The following SYCP2L variants were observed in gnomAD, a reference collection of about 807,000 sequenced individuals.
SYCP2L encodes synaptonemal complex protein 2-like.
Under a neutral mutation model 125.8 loss-of-function variants are expected in SYCP2L, and 98 were observed. The ratio of observed to expected loss-of-function variants is 0.78; its 90% CI spans 0.66 to 0.92. The LOEUF is 0.92. Among genes scored for constraint, SYCP2L ranks in the 40% least tolerant of loss-of-function variants. SYCP2L has a pLI of 0.00. For synonymous variants in SYCP2L, 317 were observed against 325.4 expected (o/e 0.97, Z 0.28); for missense variants, 842 against 936.4 (o/e 0.90, Z 1.32).
intron 28 of SYCP2L, among the ~76,000 whole-genome samples, chr6:10,961,991 G>A (rs759242037): frequency 2.0e-5 from 3 of 152,082 alleles, no homozygotes; most frequent in African/African-American, 7.2e-5. Context: ...TGATCCTGCT[G>A]TGGCTCCCTG....
At chr6:10,922,446 C>T (rs1000730926) in intron 14 of SYCP2L, among the ~76,000 whole-genome samples, 8 of 150,992 alleles carry the variant, frequency 5.3e-5, no homozygotes, top group African/African-American at 1.5e-4. Flanking sequence ...ATTGATCCCA[C>T]GGCCCAGTTA....
At chr6:10,911,666 T>A (rs770482032) in intron 12 of SYCP2L, among the ~76,000 whole-genome samples, 26 of 152,164 alleles carry the variant, frequency 1.7e-4, no homozygotes, top group Non-Finnish European at 2.8e-4. Context: ...TTTTTCTTCT[T>A]TCTATGACAT....
At chr6:10,910,470 C>T (rs1393731090) in intron 11 of SYCP2L, among the ~76,000 whole-genome samples, 1 of 152,152 alleles carries the variant, frequency 6.6e-6, no homozygotes, top group Non-Finnish European at 1.5e-5. Context: ...TTAAAGAGTT[C>T]ATAGACTTTA....
At chr6:10,942,598 C>A in intron 22 of SYCP2L, 69 bp downstream of exon 22, 1 of 1,577,838 alleles carries the variant, frequency 6.3e-7, no homozygotes, top group Non-Finnish European at 8.7e-7. Flanking sequence ...AACACATTGG[C>A]TATTCCTTCT....
At position 10,921,689 on chromosome 6, in the gene SYCP2L, C is replaced by T. The variant is rs574319971; in HGVS notation, c.1073-2807C>T. Among the ~76,000 whole-genome samples the T allele has an allele frequency of 2.0e-5, 3 of 150,960 alleles. No homozygotes were observed. The East Asian group carries it at 5.8e-4, about 29-fold the overall frequency. On this transcript the variant is annotated intron_variant, in intron 14 of 29. Coordinates refer to ENST00000283141, the MANE Select transcript of SYCP2L (RefSeq NM_001040274.3). ...ATGAATATCTTCTTTTGAGAAGTGT[C>T]TGTTTATGTCCTTTGACCACCTTTT...
intron 29 of SYCP2L, among the ~76,000 whole-genome samples, chr6:10,966,723 A>G (rs1561703989): frequency 6.6e-6 from 1 of 152,320 alleles, no homozygotes; most frequent in East Asian, 1.9e-4. Context: ...TCAAATCTGA[A>G]ATAAACAAAA....
At chr6:10,963,963 T>C in intron 29 of SYCP2L, 120 bp downstream of exon 29, 1 of 301,014 alleles carries the variant, frequency 3.3e-6, no homozygotes, top group South Asian at 6.8e-5. Flanking sequence ...ACTTCTCCAT[T>C]TTTTTTTTTT....
intron 21 of SYCP2L, 44 bp downstream of exon 21, chr6:10,935,231 T>C (rs772147489): frequency 1.7e-5 from 27 of 1,594,432 alleles, no homozygotes; most frequent in Non-Finnish European, 2.3e-5. Flanking sequence ...AATTTGTATT[T>C]GGGAAAGGTA....
Position 10,935,192 on chromosome 6 carries a change from A to T in SYCP2L, c.1813+5A>T, listed in dbSNP as rs779161885. ...AAGATTCTGCCCAGAAAACAGGTAC[A>T]TGATTTTCTGTTGACTTACATAGGA... is the stretch of plus-strand genomic sequence containing the variant. On this transcript the variant is annotated splice_donor_5th_base_variant and intron_variant, in intron 21 of 29. Transcript: ENST00000283141. The T allele has an allele frequency of 3.7e-6, 6 of 1,610,062 alleles. No individual in the cohort carries two copies. The Admixed American group carries it at 8.4e-5, about 23-fold the overall frequency.
chr6:10,928,972 ACCT>A (rs1238311837), intron 18 of SYCP2L, among the ~76,000 whole-genome samples: 30 of 147,338 alleles, frequency 2.0e-4, no homozygotes, highest in African/African-American at 7.3e-4. Flanking sequence ...GCTCACTGCC[ACCT>A]CCGCCTTCTG....
intron 6 of SYCP2L, among the ~76,000 whole-genome samples, chr6:10,900,231 CT>C (rs1282393665): frequency 1.3e-5 from 2 of 152,052 alleles, no homozygotes; most frequent in Non-Finnish European, 2.9e-5. Flanking sequence ...TGGTTGGATT[CT>C]GGTGATGGCC....
intron 2 of SYCP2L, among the ~76,000 whole-genome samples, chr6:10,893,107 G>C (rs1446240586): frequency 1.4e-5 from 2 of 146,386 alleles, no homozygotes; most frequent in Non-Finnish European, 3.1e-5. Flanking sequence ...CTAGGTTCAA[G>C]CGATTCTCCT....
rs1229454539 is a variant in SYCP2L at position 10,958,880 on chromosome 6, G to C, written c.2255+5G>C. On this transcript the variant is annotated splice_donor_5th_base_variant and intron_variant, in intron 26 of 29. Coordinates refer to ENST00000283141, the MANE Select transcript of SYCP2L (RefSeq NM_001040274.3). The stretch of plus-strand genomic sequence containing the variant: ...AAACCAGATGCAACTGTTCAGGTAA[G>C]TTTTAGGTTTCAAAACAAGGTCGTG... The C allele has an allele frequency of 6.2e-7, 1 of 1,613,498 alleles. No individual in the cohort carries two copies. Among genetic ancestry groups the C allele is most frequent in the African/African-American group, 1.3e-5 (1 of 75,028 alleles).
In SYCP2L at chr6:10,889,476, A is replaced by G. The variant is rs137991016; in HGVS notation, c.10-2037A>G. Among the ~76,000 whole-genome samples the G allele has an allele frequency of 3.8e-3, 576 of 152,328 alleles. 4 individuals are homozygous for G. Among genetic ancestry groups the G allele is most frequent in the African/African-American group, 0.013 (542 of 41,558 alleles). The stretch of plus-strand genomic sequence containing the variant: ...GAAAATATACAATAAGTTGTACATT[A>G]TAGTCACCTTGCAGTACTATCTTAC... On this transcript the variant is annotated intron_variant, in intron 1 of 29. Transcript: ENST00000283141.
intron 4 of SYCP2L, among the ~76,000 whole-genome samples, chr6:10,897,613 T>A (rs1780279518): frequency 6.6e-6 from 1 of 152,144 alleles, no homozygotes; most frequent in Non-Finnish European, 1.5e-5. Flanking sequence ...AGTTTAACCA[T>A]CTTTCCCAGG....
In SYCP2L at chr6:10,955,147, A is replaced by G. The variant is rs369132940; in HGVS notation, c.1986A>G (p.Gln662=). ...CAGAAGGTAGTTTTGCTAAGTCACA[A>G]CAATCAAGATTGGAAGAAGAGGTTG... ...DIPEGSFAKS[Q]QSRLEEEVAP... Residue 662 remains glutamine, a synonymous_variant, in exon 24 of 30, where the codon CAA becomes CAG. Coordinates refer to ENST00000283141, the MANE Select transcript of SYCP2L (RefSeq NM_001040274.3). The G allele has an allele frequency of 6.4e-5, 103 of 1,613,476 alleles. No individual in the cohort carries two copies. Among genetic ancestry groups the G allele is most frequent in the Non-Finnish European group, 8.5e-5 (100 of 1,179,496 alleles).
Position 10,954,147 on chromosome 6 carries a change from G to A in SYCP2L, c.1955-969G>A, listed in dbSNP as rs1781458991. Among the ~76,000 whole-genome samples, 1 of 152,198 alleles carries A rather than the reference G, an allele frequency of 6.6e-6. No homozygotes were observed. ...AATTGAATTCCAGAACTTTCAGAGA[G>A]AAAAACCAACAGCAACTAGACAGGC... On this transcript the variant is annotated intron_variant, in intron 23 of 29. Coordinates refer to ENST00000283141, the MANE Select transcript of SYCP2L (RefSeq NM_001040274.3). The surrounding 1 kb of genome is among the most constrained non-coding windows in gnomAD (Gnocchi z 4.8).
intron 6 of SYCP2L, 133 bp from the exon 7 acceptor site, chr6:10,902,544 G>T (rs958032508): frequency 4.3e-6 from 3 of 694,046 alleles, no homozygotes; most frequent in African/African-American, 3.6e-5. Flanking sequence ...ATTGTAAGAG[G>T]CACAGCCTGC....
chr6:10,898,854 T>C lies in SYCP2L; in HGVS notation c.466+6T>C, dbSNP rs775049263. On this transcript the variant is annotated splice_donor_region_variant and intron_variant, in intron 6 of 29. Coordinates refer to ENST00000283141, the MANE Select transcript of SYCP2L (RefSeq NM_001040274.3). ...TTCCAGGAGTAGTAGTGAAGGTAAG[T>C]ATATTATTGGCTACTAATTGGCTAT... 7.3e-7 allele frequency: 1 copy of C among 1,374,600 alleles called. No individual in the cohort carries two copies. Among genetic ancestry groups the C allele is most frequent in the Non-Finnish European group, 1.0e-6 (1 of 968,880 alleles). 85.2% of individuals were successfully genotyped at this position (1,374,600 alleles called of 1,614,324 possible).
Sources: gnomAD v4.1 joint callset for allele counts (sites outside exome capture counted in the v4.1 genomes callset) on GRCh38, gnomAD v4.1.1 for gene constraint, Gnocchi (gnomAD v3.1) non-coding constraint, MANE v1.5 for transcripts, NCBI Gene and HGNC (gene_info 2026-07-23, HGNC 2026-07-21) for gene names.